Variants in ALOX5 observed in about 807,000 individuals in gnomAD.
ALOX5 encodes polyunsaturated fatty acid 5-lipoxygenase.
In ALOX5, 64 loss-of-function variants were observed where a neutral mutation model predicts 87.9. The ratio of observed to expected loss-of-function variants is 0.73; its 90% CI spans 0.60 to 0.90. The LOEUF is 0.90. Among genes scored for constraint, ALOX5 ranks in the 40% least tolerant of loss-of-function variants. ALOX5 has a pLI of 0.00. For missense variants in ALOX5, 822 were observed against 907.5 expected (o/e 0.91, Z 1.21); for synonymous variants, 388 against 355.1 (o/e 1.09, Z -1.04).
In ALOX5 at chr10:45,409,053, A is replaced by T. The variant is rs916158396; in HGVS notation, c.432-3138A>T. On this transcript the variant is annotated intron_variant, in intron 3 of 13. Coordinates refer to ENST00000374391, the MANE Select transcript of ALOX5 (RefSeq NM_000698.5). ...TGGATGTGTAAACAGACTGTCACCTACTCTCATAGCAAGTAACCAAGTCTC... is the reference window on the plus strand; with the variant it reads ...TGGATGTGTAAACAGACTGTCACCTTCTCTCATAGCAAGTAACCAAGTCTC... Among the ~76,000 whole-genome samples the T allele has an allele frequency of 2.6e-5, 4 of 152,222 alleles. No homozygotes were observed. In the East Asian group the frequency reaches 7.7e-4, roughly 29 times the overall value.
intron 9 of ALOX5, chr10:45,441,679 C>T: frequency 2.0e-6 from 1 of 488,732 alleles, no homozygotes; most frequent in Non-Finnish European, 3.6e-6. Flanking sequence ...CACCCCTCCC[C>T]TCTCCCAGCC....
Position 45,374,244 on chromosome 10 carries a change from A to G in ALOX5, c.-36A>G. ...TGCGGACACCTGGACCGCCGCGCCG[A>G]GGCTCCCGGCGCTCGCTGCTCCCGC... On this transcript the variant is annotated 5_prime_UTR_variant, in exon 1 of 14. Coordinates refer to ENST00000374391, the MANE Select transcript of ALOX5 (RefSeq NM_000698.5). 2.1e-6 allele frequency: 3 copies of G among 1,448,738 alleles called. No homozygotes were observed. The highest frequency in any genetic ancestry group is 2.7e-6 in the Non-Finnish European group (3 of 1,100,206). 89.7% of individuals were successfully genotyped at this position (1,448,738 alleles called of 1,614,324 possible). A position where few individuals can be genotyped will look rare whatever the true frequency, so the allele number is the denominator to read the frequency against.
chr10:45,391,218 G>A lies in ALOX5; in HGVS notation c.350-4637G>A, dbSNP rs555087469. Reference sequence around the variant, plus strand: ...CCTGATTCTCCTGCCTCAGCCTGCCGAGTGCCTGCGATTGCAGGTGCGCAC... The same window carrying A: ...CCTGATTCTCCTGCCTCAGCCTGCCAAGTGCCTGCGATTGCAGGTGCGCAC... On this transcript the variant is annotated intron_variant, in intron 2 of 13. Coordinates refer to ENST00000374391, the MANE Select transcript of ALOX5 (RefSeq NM_000698.5). Among the ~76,000 whole-genome samples the A allele has an allele frequency of 3.0e-4, 45 of 151,870 alleles. No individual in the cohort carries two copies. In the East Asian group the frequency reaches 7.8e-3, roughly 26 times the overall value.
chr10:45,412,395 TG>T, intron 4 of ALOX5, 82 bp downstream of exon 4: 1 of 1,549,656 alleles, frequency 6.5e-7, no homozygotes, highest in South Asian at 1.2e-5. Context: ...CCTTTCCTCA[TG>T]GGGTCCTTGG....
intron 3 of ALOX5, among the ~76,000 whole-genome samples, chr10:45,402,465 C>T (rs1840736497): frequency 6.6e-6 from 1 of 152,142 alleles, no homozygotes; most frequent in Non-Finnish European, 1.5e-5. Flanking sequence ...ATCTCGAGGA[C>T]AGGGGCCAGC....
At chr10:45,436,441 AG>A (rs1269035495) in intron 7 of ALOX5, among the ~76,000 whole-genome samples, 1 of 152,186 alleles carries the variant, frequency 6.6e-6, no homozygotes, top group African/African-American at 2.4e-5. Context: ...GGTGAGAGGT[AG>A]GGGCCCAGCG....
chr10:45,411,525 G>T (rs1471063984), intron 3 of ALOX5, among the ~76,000 whole-genome samples: 1 of 152,204 alleles, frequency 6.6e-6, no homozygotes, highest in Non-Finnish European at 1.5e-5. Context: ...ACGTTTCAAG[G>T]ATGTCAGGAT....
chr10:45,429,110 G>A (rs1335536944), intron 7 of ALOX5, among the ~76,000 whole-genome samples: 3 of 152,214 alleles, frequency 2.0e-5, no homozygotes, highest in African/African-American at 7.2e-5. Flanking sequence ...CCACTGAGGG[G>A]CACCATGGGT....
intron 3 of ALOX5, among the ~76,000 whole-genome samples, chr10:45,409,566 TCTTTCTC>T (rs1840997093): frequency 2.0e-5 from 3 of 149,824 alleles, no homozygotes; most frequent in African/African-American, 7.5e-5. Flanking sequence ...TCTCTCTCTC[TCTTTCTC>T]TCTCTCTCTC....
rs150447740 is a variant in ALOX5 at position 45,425,744 on chromosome 10, C to T, written c.834+612C>T. On this transcript the variant is annotated intron_variant, in intron 6 of 13. Coordinates refer to ENST00000374391, the MANE Select transcript of ALOX5 (RefSeq NM_000698.5). The surrounding 1 kb of genome is among the most constrained non-coding windows in gnomAD (Gnocchi z 4.4). ...GGATCTGGTGGGGCTCAGCAACAGG[C>T]GCTGGCCCATCAGCCTGCCTCTTCC... 7.2e-4 allele frequency among the ~76,000 whole-genome samples: 110 copies of T among 152,322 alleles called. No homozygotes were observed. The highest frequency in any genetic ancestry group is 2.1e-3 in the African/African-American group (88 of 41,572).
intron 4 of ALOX5, among the ~76,000 whole-genome samples, chr10:45,421,242 T>C (rs1841495471): frequency 6.6e-6 from 1 of 152,264 alleles, no homozygotes; most frequent in South Asian, 2.1e-4. Context: ...CCTACATCTG[T>C]GGCTTCTTCT....
intron 12 of ALOX5, 61 bp downstream of exon 12, chr10:45,443,889 G>C (rs182121645): frequency 1.3e-6 from 2 of 1,525,788 alleles, no homozygotes; most frequent in Non-Finnish European, 1.8e-6. Context: ...CTCCTCCCCC[G>C]CCCCGGTTCT....
At chr10:45,426,575 C>G (rs1841712971) in intron 6 of ALOX5, among the ~76,000 whole-genome samples, 1 of 152,214 alleles carries the variant, frequency 6.6e-6, no homozygotes, top group African/African-American at 2.4e-5. Flanking sequence ...GAAATTGTAT[C>G]CCTGTTGTTG....
At chr10:45,409,527 C>CTCTCTG (rs1554793836) in intron 3 of ALOX5, among the ~76,000 whole-genome samples, 1 of 150,442 alleles carries the variant, frequency 6.6e-6, no homozygotes, top group African/African-American at 2.5e-5. Flanking sequence ...CTCTCTCTCT[C>CTCTCTG]TCTCTCTGTC....
In ALOX5 at chr10:45,387,210, A is replaced by G. The variant is rs527942060; in HGVS notation, c.349+4529A>G. Among the ~76,000 whole-genome samples the G allele has an allele frequency of 3.3e-5, 5 of 152,286 alleles. No homozygotes were observed. In the South Asian group the frequency reaches 8.3e-4, roughly 25 times the overall value. On this transcript the variant is annotated intron_variant, in intron 2 of 13. Coordinates refer to ENST00000374391, the MANE Select transcript of ALOX5 (RefSeq NM_000698.5). ...AGTGACAGAGCCCAAGTCCAAGCAC[A>G]TGTGTCTCTTCTAAAGCCATCTAGG...
chr10:45,439,854 G>A (rs1233202813), intron 7 of ALOX5, among the ~76,000 whole-genome samples: 3 of 152,198 alleles, frequency 2.0e-5, no homozygotes, highest in Admixed American at 6.5e-5. Flanking sequence ...CCACAGGTGT[G>A]GGCTCCAGGC....
chr10:45,422,033 G>A lies in ALOX5; in HGVS notation c.555-2008G>A, dbSNP rs113995695. 9.0e-3 allele frequency among the ~76,000 whole-genome samples: 1,377 copies of A among 152,268 alleles called. 23 individuals are homozygous for A. Among genetic ancestry groups the A allele is most frequent in the African/African-American group, 0.031 (1,306 of 41,554 alleles). On this transcript the variant is annotated intron_variant, in intron 4 of 13. Coordinates refer to ENST00000374391, the MANE Select transcript of ALOX5 (RefSeq NM_000698.5). ...CCTCCTAGGAGACCCAGGGTAGCCA[G>A]GACAAAGGAGAGAAGCATTTGCTAA...
intron 3 of ALOX5, among the ~76,000 whole-genome samples, chr10:45,407,814 T>C (rs1840936108): frequency 6.6e-6 from 1 of 152,196 alleles, no homozygotes; most frequent in South Asian, 2.1e-4. Context: ...TCAATTTGCA[T>C]TGCCATGGTG....
At chr10:45,429,173 G>C (rs1841834107) in intron 7 of ALOX5, among the ~76,000 whole-genome samples, 1 of 152,128 alleles carries the variant, frequency 6.6e-6, no homozygotes, top group Non-Finnish European at 1.5e-5. Context: ...ATGATGATGT[G>C]AGTTCTTATG....
Sources: allele counts gnomAD v4.1 joint callset (sites outside exome capture counted in the v4.1 genomes callset), GRCh38; gene constraint gnomAD v4.1.1; non-coding constraint Gnocchi (gnomAD v3.1); transcripts MANE v1.5; gene names NCBI Gene and HGNC (gene_info 2026-07-23, HGNC 2026-07-21).